TPMT: variants seen among roughly 807,000 people sequenced by gnomAD.
TPMT encodes the protein thiopurine S-methyltransferase.
In TPMT, 18 loss-of-function variants were observed where a neutral mutation model predicts 34.2. The observed-to-expected ratio is 0.53, with a 90% CI of 0.36 to 0.78. The LOEUF is 0.78. TPMT is among the 30% of genes least tolerant of loss of function. The pLI, the probability that TPMT is intolerant of heterozygous loss-of-function variation, is 0.00. For missense variants in TPMT, 265 were observed against 288.1 expected (o/e 0.92, Z 0.58); for synonymous variants, 69 against 92.4 (o/e 0.75, Z 1.45).
rs768458136 is a variant in TPMT, at chr6:18,149,092, C to T, written c.36G>A (p.Glu12=). ...DGTRTSLDIE[E]YSDTEVQKNQ... is the part of the protein sequence containing the mutation. ...TTTTCTGTACCTCAGTATCCGAGTA[C>T]TCTTCAATGTCAAGTGAAGTTCTTG... Residue 12 remains glutamate (E), a synonymous_variant, in exon 2 of 9, where the codon GAG becomes GAA. Coordinates refer to ENST00000309983, the MANE Select transcript of TPMT (RefSeq NM_000367.5). This position sits in a 1 kb window ranked among gnomAD's most constrained non-coding sequence, Gnocchi z 5.0. 7.4e-6 allele frequency: 12 copies of T among 1,614,016 alleles called. No individual in the cohort carries two copies. Among genetic ancestry groups the T allele is most frequent in the African/African-American group, 1.3e-5 (1 of 74,910 alleles).
Position 18,139,733 on chromosome 6 carries a change from G to A in TPMT, c.367-16C>T. On this transcript the variant is annotated splice_polypyrimidine_tract_variant and intron_variant, in intron 4 of 8. Transcript: ENST00000309983. The surrounding 1 kb of genome is among the most constrained non-coding windows in gnomAD (Gnocchi z 4.2). ...CCGAAGAACTCTGTAATGAAATAAT[G>A]AAAAAAAAATTTTTTTTTTTTACTT... 7.0e-7 allele frequency: 1 copy of A among 1,430,054 alleles called. No individual in the cohort carries two copies. The highest frequency in any genetic ancestry group is 9.6e-7 in the Non-Finnish European group (1 of 1,038,092). 88.6% of individuals were successfully genotyped at this position (1,430,054 alleles called of 1,614,324 possible). A position where few individuals can be genotyped will look rare whatever the true frequency, so the allele number is the denominator to read the frequency against.
chr6:18,138,516 C>G lies in TPMT; in HGVS notation c.494+447G>C, dbSNP rs749713148. Among the ~76,000 whole-genome samples, 39 of 152,182 alleles carry G rather than the reference C, an allele frequency of 2.6e-4. No individual in the cohort carries two copies. Among genetic ancestry groups the G allele is most frequent in the Non-Finnish European group, 4.9e-4 (33 of 68,032 alleles). ...CTCCTGGGCTCAAGTAATCCTCCTGCTTTGGCCTCCCACAGTGCTGGGATT... is the reference window on the plus strand; with the variant it reads ...CTCCTGGGCTCAAGTAATCCTCCTGGTTTGGCCTCCCACAGTGCTGGGATT... On this transcript the variant is annotated intron_variant, in intron 6 of 8. Transcript: ENST00000309983. The surrounding 1 kb of genome is among the most constrained non-coding windows in gnomAD (Gnocchi z 4.1).
In TPMT at chr6:18,149,885, T is replaced by G. The variant is rs908687588; in HGVS notation, c.-44-714A>C. Reference sequence around the variant, plus strand: ...AAATAAACTGAATTCTATCTTAATATTAGTGTTTCCTCTGCTCTCACACCC... The same window carrying G: ...AAATAAACTGAATTCTATCTTAATAGTAGTGTTTCCTCTGCTCTCACACCC... On this transcript the variant is annotated intron_variant, in intron 1 of 8. Coordinates refer to ENST00000309983, the MANE Select transcript of TPMT (RefSeq NM_000367.5). The surrounding 1 kb of genome is among the most constrained non-coding windows in gnomAD (Gnocchi z 5.0). Among the ~76,000 whole-genome samples the G allele has an allele frequency of 6.6e-6, 1 of 152,236 alleles. No homozygotes were observed. The highest frequency in any genetic ancestry group is 1.9e-4 in the East Asian group (1 of 5,208).
chr6:18,138,273 T>G lies in TPMT; in HGVS notation c.494+690A>C, dbSNP rs1180878395. 1.3e-5 allele frequency among the ~76,000 whole-genome samples: 2 copies of G among 151,264 alleles called. No individual in the cohort carries two copies. The highest frequency in any genetic ancestry group is 4.9e-5 in the African/African-American group (2 of 41,054). ...ATATTTTGATTTTTTTGTTTTTTTT[T>G]TTTTTTAAATATTTTACAGACAAGG... On this transcript the variant is annotated intron_variant, in intron 6 of 8. Coordinates refer to ENST00000309983, the MANE Select transcript of TPMT (RefSeq NM_000367.5). The surrounding 1 kb of genome is among the most constrained non-coding windows in gnomAD (Gnocchi z 4.1).
In TPMT at chr6:18,149,397, T is replaced by C. The variant is rs1784309636; in HGVS notation, c.-44-226A>G. 6.6e-6 allele frequency among the ~76,000 whole-genome samples: 1 copy of C among 152,036 alleles called. No homozygotes were observed. Among genetic ancestry groups the C allele is most frequent in the African/African-American group, 2.4e-5 (1 of 41,410 alleles). On this transcript the variant is annotated intron_variant, in intron 1 of 8. Coordinates refer to ENST00000309983, the MANE Select transcript of TPMT (RefSeq NM_000367.5). This position sits in a 1 kb window ranked among gnomAD's most constrained non-coding sequence, Gnocchi z 5.0. ...CCTCTGCCTCCCAGGTTCAAGCAAT[T>C]CTGCTGCCTCAGCCTCCCAAGTAGC...
intron 6 of TPMT, among the ~76,000 whole-genome samples, chr6:18,134,945 T>C (rs1003117962): frequency 2.0e-5 from 3 of 152,160 alleles, no homozygotes; most frequent in African/African-American, 4.8e-5. Context: ...CTCCAGTTTC[T>C]ATGGAGCCTG....
At chr6:18,142,663 T>C (rs1021398190) in intron 4 of TPMT, among the ~76,000 whole-genome samples, 36 of 152,148 alleles carry the variant, frequency 2.4e-4, no homozygotes, top group Non-Finnish European at 4.9e-4. Flanking sequence ...CCCAAACCTA[T>C]CATTTTGAGC....
chr6:18,131,933 A>C lies in TPMT; in HGVS notation c.625+200T>G, dbSNP rs1315294882. On this transcript the variant is annotated intron_variant, in intron 8 of 8. Coordinates refer to ENST00000309983, the MANE Select transcript of TPMT (RefSeq NM_000367.5). The surrounding 1 kb of genome is among the most constrained non-coding windows in gnomAD (Gnocchi z 4.3). The stretch of plus-strand genomic sequence containing the variant: ...GTTGGGACTACAGGCACATGCCACC[A>C]CACTGGCCTAATTTTTGTATTTTTG... Among the ~76,000 whole-genome samples the C allele has an allele frequency of 6.6e-6, 1 of 152,168 alleles. No homozygotes were observed. The highest frequency in any genetic ancestry group is 1.5e-5 in the Non-Finnish European group (1 of 68,028).
Position 18,149,108 on chromosome 6 carries a change from G to A in TPMT, c.20C>T (p.Ser7Leu). ...ATCCGAGTACTCTTCAATGTCAAGT[G>A]AAGTTCTTGTACCATCCATAGTTTC... is the stretch of plus-strand genomic sequence containing the variant. MDGTRT[S>L]LDIEEYSDTE... Residue 7 changes from serine to leucine, a missense_variant, in exon 2 of 9, where the codon TCA becomes TTA. By Grantham distance (145) the Ser-to-Leu change is moderately radical (BLOSUM62 -2). Coordinates refer to ENST00000309983, the MANE Select transcript of TPMT (RefSeq NM_000367.5). The surrounding 1 kb of genome is among the most constrained non-coding windows in gnomAD (Gnocchi z 5.0). The A allele has an allele frequency of 1.9e-6, 3 of 1,614,084 alleles. No homozygotes were observed. The highest frequency in any genetic ancestry group is 2.5e-6 in the Non-Finnish European group (3 of 1,180,018).
intron 4 of TPMT, among the ~76,000 whole-genome samples, chr6:18,141,013 CAGG>C (rs1412680330): frequency 6.6e-6 from 1 of 152,166 alleles, no homozygotes; most frequent in Non-Finnish European, 1.5e-5. Context: ...GGCCTGGAGG[CAGG>C]AGAACAGCTG....
At position 18,146,330 on chromosome 6, in the gene TPMT, G is replaced by C. The variant is rs1440669884; in HGVS notation, c.233+1493C>G. Reference sequence around the variant, plus strand: ...TTCTCCTGCTTCAGCTTCTCAGGTAGTTGGGATTACAAGCGTACGCTGCCA... The same window carrying C: ...TTCTCCTGCTTCAGCTTCTCAGGTACTTGGGATTACAAGCGTACGCTGCCA... On this transcript the variant is annotated intron_variant, in intron 3 of 8. Coordinates refer to ENST00000309983, the MANE Select transcript of TPMT (RefSeq NM_000367.5). This position sits in a 1 kb window ranked among gnomAD's most constrained non-coding sequence, Gnocchi z 6.2. Among the ~76,000 whole-genome samples the C allele has an allele frequency of 6.6e-6, 1 of 152,092 alleles. No individual in the cohort carries two copies. Among genetic ancestry groups the C allele is most frequent in the Non-Finnish European group, 1.5e-5 (1 of 68,024 alleles).
At chr6:18,137,050 G>A (rs1232242745) in intron 6 of TPMT, among the ~76,000 whole-genome samples, 1 of 151,984 alleles carries the variant, frequency 6.6e-6, no homozygotes, top group Non-Finnish European at 1.5e-5. Context: ...AAAAAGATTA[G>A]GTTTGGCAGT....
At position 18,149,193 on chromosome 6, in the gene TPMT, T is replaced by A; in HGVS notation, c.-44-22A>T. 6.2e-7 allele frequency: 1 copy of A among 1,601,502 alleles called. No individual in the cohort carries two copies. The highest frequency in any genetic ancestry group is 8.5e-7 in the Non-Finnish European group (1 of 1,170,252). On this transcript the variant is annotated intron_variant, in intron 1 of 8. Transcript: ENST00000309983. The surrounding 1 kb of genome is among the most constrained non-coding windows in gnomAD (Gnocchi z 5.0). Reference sequence around the variant, plus strand: ...GTGCCTACGTGGAAAATATTTGCAATGTTGTCATTTAAGGTCATTGGAATT... The same window carrying A: ...GTGCCTACGTGGAAAATATTTGCAAAGTTGTCATTTAAGGTCATTGGAATT...
In TPMT at chr6:18,138,320, G is replaced by A. The variant is rs1373351631; in HGVS notation, c.494+643C>T. ...AAGGTCTTGCTCTGTCATTCAGGTT[G>A]AAGTGCAGTGGTACGATCATAGCTC... On this transcript the variant is annotated intron_variant, in intron 6 of 8. Coordinates refer to ENST00000309983, the MANE Select transcript of TPMT (RefSeq NM_000367.5). This position sits in a 1 kb window ranked among gnomAD's most constrained non-coding sequence, Gnocchi z 4.1. Among the ~76,000 whole-genome samples the A allele has an allele frequency of 2.0e-5, 3 of 150,490 alleles. No homozygotes were observed. The East Asian group carries it at 5.8e-4, about 29-fold the overall frequency.
chr6:18,144,562 A>G (rs1340377715), intron 3 of TPMT, among the ~76,000 whole-genome samples: 4 of 151,774 alleles, frequency 2.6e-5, no homozygotes, highest in East Asian at 1.9e-4. Flanking sequence ...TATTTTTAGT[A>G]GAGACGGGGT....
rs145298610 is a variant in TPMT at position 18,149,642 on chromosome 6, T to A, written c.-44-471A>T. On this transcript the variant is annotated intron_variant, in intron 1 of 8. Transcript: ENST00000309983. This position sits in a 1 kb window ranked among gnomAD's most constrained non-coding sequence, Gnocchi z 5.0. ...CTGGTTAATTTTTGTATATATATAT[T>A]TTTTAATAGAGATGGTTCTCATTTT... Among the ~76,000 whole-genome samples, 789 of 152,040 alleles carry A rather than the reference T, an allele frequency of 5.2e-3. 6 individuals carry two copies. Among genetic ancestry groups the A allele is most frequent in the African/African-American group, 0.018 (743 of 41,472 alleles).
rs376768216 is a variant in TPMT at position 18,147,578 on chromosome 6, C to T, written c.233+245G>A. Among the ~76,000 whole-genome samples, 6 of 152,250 alleles carry T rather than the reference C, an allele frequency of 3.9e-5. No individual in the cohort carries two copies. In the East Asian group the frequency reaches 7.7e-4, roughly 20 times the overall value. ...TGTAAAAGGGAAGGCTGTTTTTTCT[C>T]CCCCCATTGGCTCCAAACTGATTTT... On this transcript the variant is annotated intron_variant, in intron 3 of 8. Transcript: ENST00000309983.
chr6:18,152,378 C>T (rs887520801), intron 1 of TPMT, among the ~76,000 whole-genome samples: 2 of 152,070 alleles, frequency 1.3e-5, no homozygotes, highest in Non-Finnish European at 2.9e-5. Flanking sequence ...CAGGAGACAG[C>T]AAAAACAGAT....
chr6:18,141,631 T>C (rs1232583017), intron 4 of TPMT, among the ~76,000 whole-genome samples: 3 of 152,262 alleles, frequency 2.0e-5, no homozygotes, highest in South Asian at 2.1e-4. Flanking sequence ...TGAGCCACCA[T>C]GCCCAGCTGA....
Sources: gnomAD v4.1 joint callset for allele counts (sites outside exome capture counted in the v4.1 genomes callset) on GRCh38, gnomAD v4.1.1 for gene constraint, Gnocchi (gnomAD v3.1) non-coding constraint, MANE v1.5 for transcripts, NCBI Gene and HGNC (gene_info 2026-07-23, HGNC 2026-07-21) for gene names.